Variants in SCFD1 observed in about 807,000 individuals in gnomAD.
The protein encoded by SCFD1 is sec1 family domain containing 1.
In SCFD1, 37 loss-of-function variants were observed where a neutral mutation model predicts 103.2. The ratio of observed to expected loss-of-function variants is 0.36; its 90% confidence interval spans 0.28 to 0.47. SCFD1 has a LOEUF of 0.47. SCFD1 is among the 20% of genes least tolerant of loss of function. The pLI is 1.00. For synonymous variants in SCFD1, 264 were observed against 245.0 expected (o/e 1.08, Z -0.73); for missense variants, 639 against 761.2 (o/e 0.84, Z 1.89).
chr14:30,653,009 AT>A (rs1054131412), intron 9 of SCFD1, among the ~76,000 whole-genome samples: 3 of 152,278 alleles, frequency 2.0e-5, no homozygotes, highest in African/African-American at 7.2e-5. Context: ...AAAAAAAAAA[AT>A]AAAGTTTCCT....
chr14:30,714,736 T>A (rs534323804), intron 19 of SCFD1, among the ~76,000 whole-genome samples: 1 of 152,206 alleles, frequency 6.6e-6, no homozygotes, highest in Admixed American at 6.5e-5. Context: ...ACAATCAGAT[T>A]GAATGTTTTT....
chr14:30,693,816 A>G (rs2139308790), intron 14 of SCFD1, among the ~76,000 whole-genome samples: 1 of 152,294 alleles, frequency 6.6e-6, no homozygotes, highest in South Asian at 2.1e-4. Context: ...TAATTTCATG[A>G]ATGGTTTCTA....
intron 15 of SCFD1, among the ~76,000 whole-genome samples, chr14:30,695,921 T>A (rs749299242): frequency 1.4e-4 from 21 of 151,766 alleles, no homozygotes; most frequent in Non-Finnish European, 2.4e-4. Flanking sequence ...AAAAAAAAAA[T>A]TTAATGTAAT....
intron 1 of SCFD1, 79 bp from the exon 2 acceptor site, chr14:30,628,130 T>TG: frequency 1.0e-6 from 1 of 956,738 alleles, no homozygotes; most frequent in South Asian, 1.5e-5. Context: ...TATTTTGCTT[T>TG]GGGGTAGTGA....
intron 23 of SCFD1, among the ~76,000 whole-genome samples, chr14:30,730,346 T>C (rs1368147083): frequency 6.6e-6 from 1 of 152,244 alleles, no homozygotes; most frequent in Non-Finnish European, 1.5e-5. Context: ...TATAGCAGCA[T>C]GATTTATAAT....
At chr14:30,667,432 A>G (rs1017685899) in intron 10 of SCFD1, among the ~76,000 whole-genome samples, 4 of 152,210 alleles carry the variant, frequency 2.6e-5, no homozygotes, top group Non-Finnish European at 4.4e-5. Flanking sequence ...ATTTATGACA[A>G]ACCTACAGCC....
intron 6 of SCFD1, among the ~76,000 whole-genome samples, chr14:30,641,244 G>T (rs1052259427): frequency 2.6e-5 from 4 of 152,054 alleles, no homozygotes; most frequent in African/African-American, 9.7e-5. Flanking sequence ...TTAATAGCGT[G>T]GTATTGATTT....
At chr14:30,727,922 C>T in intron 23 of SCFD1, among the ~76,000 whole-genome samples, 1 of 152,138 alleles carries the variant, frequency 6.6e-6, no homozygotes, top group East Asian at 1.9e-4. Context: ...TAATTCCAAG[C>T]TTAGATAGGT....
intron 5 of SCFD1, among the ~76,000 whole-genome samples, chr14:30,639,233 C>T (rs1260101512): frequency 6.6e-6 from 1 of 152,054 alleles, no homozygotes; most frequent in Non-Finnish European, 1.5e-5. Context: ...ACAGTCCTCC[C>T]ACCTCAGCCT....
intron 4 of SCFD1, among the ~76,000 whole-genome samples, chr14:30,636,060 T>A (rs909943251): frequency 2.6e-5 from 4 of 152,162 alleles, no homozygotes; most frequent in Non-Finnish European, 5.9e-5. Flanking sequence ...TCTAGAAATA[T>A]CTATTCAGAT....
rs1886605398 is a variant in SCFD1, at chr14:30,653,570, A to G, written c.837A>G (p.Ala279=). The change falls in exon 10 of 25, where the codon GCA becomes GCG. Residue 279 remains alanine, a synonymous_variant. Transcript: ENST00000458591. ...TACATCATACTTGGACATATCAAGC[A>G]TTGGTGCACGATGTACTGGTAAGAG... is the stretch of plus-strand genomic sequence containing the variant. ...TPLHHTWTYQ[A]LVHDVLDFHL... 2.9e-5 allele frequency: 46 copies of G among 1,611,620 alleles called. No individual in the cohort carries two copies. The highest frequency in any genetic ancestry group is 3.8e-5 in the Non-Finnish European group (45 of 1,177,944).
intron 6 of SCFD1, among the ~76,000 whole-genome samples, chr14:30,642,277 G>A (rs780445558): frequency 5.3e-5 from 8 of 152,128 alleles, no homozygotes; most frequent in South Asian, 2.1e-4. Context: ...TAGTAGAGAC[G>A]GGGTTTCACC....
At chr14:30,732,038 A>C (rs1893512654) in intron 23 of SCFD1, among the ~76,000 whole-genome samples, 1 of 152,114 alleles carries the variant, frequency 6.6e-6, no homozygotes, top group African/African-American at 2.4e-5. Flanking sequence ...ATCAATACCT[A>C]ATTCATTGAG....
chr14:30,626,105 G>A (rs1883412190), intron 1 of SCFD1, among the ~76,000 whole-genome samples: 3 of 151,818 alleles, frequency 2.0e-5, no homozygotes, highest in Non-Finnish European at 4.4e-5. Flanking sequence ...AACCCCCTCC[G>A]TGCTTCCTGT....
rs1885091049 is a variant in SCFD1 at position 30,639,847 on chromosome 14, A to C, written c.506A>C (p.Glu169Ala). The C allele has an allele frequency of 4.4e-6, 7 of 1,584,370 alleles. No individual in the cohort carries two copies. The highest frequency in any genetic ancestry group is 6.0e-6 in the Non-Finnish European group (7 of 1,164,996). Reference sequence around the variant, plus strand: ...TTTGTATTATGTAATCAAAATAAGGAGCTTGTTTCATATCGTGGTATGTAA... The same window carrying C: ...TTTGTATTATGTAATCAAAATAAGGCGCTTGTTTCATATCGTGGTATGTAA... ...DMFVLCNQNKELVSYRAINRP... is the reference protein window; with the variant it reads ...DMFVLCNQNKALVSYRAINRP... Residue 169 changes from glutamate (E) to alanine (A), a missense_variant, in exon 6 of 25, where the codon GAG becomes GCG. Coordinates refer to ENST00000458591, the MANE Select transcript of SCFD1 (RefSeq NM_016106.4).
intron 19 of SCFD1, among the ~76,000 whole-genome samples, chr14:30,709,424 G>A (rs1410948493): frequency 2.6e-5 from 4 of 152,040 alleles, no homozygotes; most frequent in African/African-American, 9.7e-5. Context: ...GTAGAGATGG[G>A]GTTTCACTAT....
At chr14:30,731,377 A>G (rs977764518) in intron 23 of SCFD1, among the ~76,000 whole-genome samples, 81 of 152,258 alleles carry the variant, frequency 5.3e-4, no homozygotes, top group African/African-American at 1.9e-3. Flanking sequence ...GTTTTTTCCA[A>G]TTCTGTGAAG....
chr14:30,650,631 C>G lies in SCFD1; in HGVS notation c.736C>G (p.Leu246Val), dbSNP rs776538855. 6.2e-7 allele frequency: 1 copy of G among 1,603,138 alleles called. No homozygotes were observed. Among genetic ancestry groups the G allele is most frequent in the Admixed American group, 1.7e-5 (1 of 59,842 alleles). ...ARNSLFTGDTLGAGQFSFQRP... is the reference protein window; with the variant it reads ...ARNSLFTGDTVGAGQFSFQRP... The stretch of plus-strand genomic sequence containing the variant: ...AAACAGTCTTTTTACAGGTGATACA[C>G]TTGGAGCTGGCCAATTCAGGTATTA... Residue 246 changes from leucine (L) to valine (V), a missense_variant, in exon 9 of 25, where the codon CTT becomes GTT. Coordinates refer to ENST00000458591, the MANE Select transcript of SCFD1 (RefSeq NM_016106.4).
intron 23 of SCFD1, among the ~76,000 whole-genome samples, chr14:30,730,628 A>T (rs984007338): frequency 3.3e-5 from 5 of 152,154 alleles, no homozygotes; most frequent in African/African-American, 1.2e-4. Flanking sequence ...GCACTTTTTC[A>T]TGTGTCTGTT....
Sources: gnomAD v4.1 joint callset for allele counts (sites outside exome capture counted in the v4.1 genomes callset) on GRCh38, gnomAD v4.1.1 for gene constraint, MANE v1.5 for transcripts, NCBI Gene and HGNC (gene_info 2026-07-23, HGNC 2026-07-21) for gene names.